Variants in SSC5D observed in about 807,000 individuals in gnomAD.
SSC5D encodes the protein soluble scavenger receptor cysteine-rich domain-containing protein SSC5D.
SSC5D carries 106 observed loss-of-function variants against 104.6 expected under a neutral mutation model. The ratio of observed to expected loss-of-function variants is 1.01; its 90% CI spans 0.87 to 1.19. SSC5D has a LOEUF of 1.19. Ranked by LOEUF, SSC5D falls within the 50% of genes most tolerant of loss-of-function variation. The pLI is 0.00. For missense variants in SSC5D, 1,993 were observed against 2,153.8 expected (o/e 0.93, Z 1.48); for synonymous variants, 860 against 883.5 (o/e 0.97, Z 0.47).
intron 12 of SSC5D, among the ~76,000 whole-genome samples, chr19:55,506,033 A>C (rs10410029): frequency 0.1 from 15,821 of 151,854 alleles, 1,057 homozygotes; most frequent in Non-Finnish European, 0.11. Flanking sequence ...CACGGCACCC[A>C]GCCAGTTCTC....
chr19:55,504,460 C>CCAAGTCACTTT, intron 12 of SSC5D: 3 of 534,132 alleles, frequency 5.6e-6, no homozygotes, highest in Non-Finnish European at 8.5e-6. Context: ...GAAAAAGTGA[C>CCAAGTCACTTT]TTGGTCTCTT....
intron 12 of SSC5D, among the ~76,000 whole-genome samples, chr19:55,506,026 G>A (rs938917385): frequency 6.6e-6 from 1 of 151,712 alleles, no homozygotes; most frequent in Non-Finnish European, 1.5e-5. Flanking sequence ...CGTGAGCCAC[G>A]GCACCCAGCC....
chr19:55,508,416 G>A (rs1466539567), intron 12 of SSC5D, among the ~76,000 whole-genome samples: 2 of 152,166 alleles, frequency 1.3e-5, no homozygotes, highest in African/African-American at 2.4e-5. Context: ...GCCAGGCGCT[G>A]TTCAAAGTGC....
chr19:55,509,157 C>G (rs1209069869), intron 12 of SSC5D, among the ~76,000 whole-genome samples: 3 of 152,188 alleles, frequency 2.0e-5, no homozygotes, highest in Non-Finnish European at 2.9e-5. Flanking sequence ...AAGTTTCTTG[C>G]CCTCTCTGGG....
intron 8 of SSC5D, among the ~76,000 whole-genome samples, chr19:55,496,916 T>A (rs569750807): frequency 3.1e-4 from 47 of 152,274 alleles, no homozygotes; most frequent in Non-Finnish European, 5.4e-4. Flanking sequence ...ACCTGGCCCA[T>A]GCCTGGCTAA....
rs1380014059 is a variant in SSC5D at position 55,517,791 on chromosome 19, C to T, written c.3515C>T (p.Thr1172Ile). The T allele has an allele frequency of 6.5e-7, 1 of 1,544,882 alleles. No homozygotes were observed. Among genetic ancestry groups the T allele is most frequent in the Admixed American group, 2.0e-5 (1 of 50,120 alleles). Residue 1172 changes from threonine (T) to isoleucine (I), a missense_variant, in exon 14 of 14, where the codon ACC becomes ATC. Transcript: ENST00000389623. ...DPITTLNPTV[T>I]PHFPTTPHPT... ...ATCACAACCCTTAACCCTACTGTGA[C>T]CCCTCACTTCCCTACCACCCCTCAC...
chr19:55,497,332 TAAGA>T (rs1434953698), intron 8 of SSC5D, among the ~76,000 whole-genome samples: 1 of 152,022 alleles, frequency 6.6e-6, no homozygotes, highest in African/African-American at 2.4e-5. Context: ...AAATAAAATC[TAAGA>T]AAGAAGAAAA....
intron 13 of SSC5D, among the ~76,000 whole-genome samples, chr19:55,516,312 A>G (rs926730500): frequency 3.9e-5 from 6 of 152,136 alleles, no homozygotes; most frequent in Admixed American, 6.5e-5. Context: ...CCTGGCCAAC[A>G]CGGTGAAACC....
intron 13 of SSC5D, among the ~76,000 whole-genome samples, chr19:55,514,069 C>T (rs1292211980): frequency 6.6e-6 from 1 of 152,156 alleles, no homozygotes; most frequent in African/African-American, 2.4e-5. Flanking sequence ...CCCCACTGGA[C>T]AGAGCTGTTT....
chr19:55,494,659 C>A lies in SSC5D; in HGVS notation c.1263C>A (p.Asn421Lys). ...CCACGGCCCCCACGGACAGCAACAACTCCACGCCCAGGGAGGCTGCCTCCA... is the reference window on the plus strand; with the variant it reads ...CCACGGCCCCCACGGACAGCAACAAATCCACGCCCAGGGAGGCTGCCTCCA... ...VPPTAPTDSNNSTPREAASRP... is the reference protein window; with the variant it reads ...VPPTAPTDSNKSTPREAASRP... The change falls in exon 8 of 14, where the codon AAC (asparagine) becomes AAA (lysine). Residue 421 changes from asparagine to lysine, a missense_variant. Transcript: ENST00000389623. 6.5e-7 allele frequency: 1 copy of A among 1,548,678 alleles called. No individual in the cohort carries two copies. Among genetic ancestry groups the A allele is most frequent in the Admixed American group, 2.0e-5 (1 of 50,734 alleles).
chr19:55,493,431 G>A (rs114287967), intron 6 of SSC5D, among the ~76,000 whole-genome samples, 164 bp from the exon 7 acceptor site: 384 of 152,320 alleles, frequency 2.5e-3, no homozygotes, highest in African/African-American at 9.1e-3. Flanking sequence ...GTTGGACTCC[G>A]GGCCAGTGAC....
Position 55,500,271 on chromosome 19 carries a change from C to A in SSC5D, c.2161C>A (p.Pro721Thr). The change falls in exon 10 of 14, where the codon CCC becomes ACC. Residue 721 changes from proline (P) to threonine (T), a missense_variant. Pro to Thr is a conservative substitution (Grantham distance 38). This residue lies in a region of SSC5D where 1,101 missense variants were observed against 1,085.0 expected (regional missense o/e 1.01). Coordinates refer to ENST00000389623, the MANE Select transcript of SSC5D (RefSeq NM_001144950.2). The surrounding 1 kb of genome is among the most constrained non-coding windows in gnomAD (Gnocchi z 4.6). ...KTMAMLTTQG[P>T]QEMTSESTIK... ...CATGGCAATGCTGACCACTCAAGGC[C>A]CCCAAGAAATGACCTCTGAGTCCAC... is the stretch of plus-strand genomic sequence containing the variant. 1 of 1,551,522 alleles carries A rather than the reference C, an allele frequency of 6.4e-7. No homozygotes were observed. Among genetic ancestry groups the A allele is most frequent in the Non-Finnish European group, 8.7e-7 (1 of 1,146,956 alleles).
At chr19:55,489,071 C>CA in intron 2 of SSC5D, 39 bp downstream of exon 2, 1 of 1,096,964 alleles carries the variant, frequency 9.1e-7, no homozygotes, top group African/African-American at 1.7e-5. Context: ...CGCCCCCCCC[C>CA]CCAGGCCTCC....
intron 12 of SSC5D, 107 bp from the exon 13 acceptor site, chr19:55,512,904 T>C: frequency 7.3e-7 from 1 of 1,375,856 alleles, no homozygotes. Flanking sequence ...GCGGTGCAGT[T>C]GAGACGGGAT....
In SSC5D at chr19:55,501,221, T is replaced by C. The variant is rs1284573431; in HGVS notation, c.2785+20T>C. The stretch of plus-strand genomic sequence containing the variant: ...ACACAGGTGAGAGGCCTGATTGGGG[T>C]GGCCATGGAGGGCCTCCATAAACCT... On this transcript the variant is annotated intron_variant, in intron 12 of 13. Coordinates refer to ENST00000389623, the MANE Select transcript of SSC5D (RefSeq NM_001144950.2). 1 of 1,489,970 alleles carries C rather than the reference T, an allele frequency of 6.7e-7. No homozygotes were observed. The highest frequency in any genetic ancestry group is 8.9e-7 in the Non-Finnish European group (1 of 1,122,482). 92.3% of individuals were successfully genotyped at this position (1,489,970 alleles called of 1,614,324 possible).
At chr19:55,512,818 C>T (rs984255387) in intron 12 of SSC5D, among the ~76,000 whole-genome samples, 193 bp from the exon 13 acceptor site, 2 of 152,058 alleles carry the variant, frequency 1.3e-5, no homozygotes, top group Admixed American at 6.6e-5. Context: ...GTTTAGTGAC[C>T]GTTTCCGTCG....
intron 12 of SSC5D, chr19:55,504,089 G>C (rs1987581777): frequency 6.5e-7 from 1 of 1,533,506 alleles, no homozygotes; most frequent in Non-Finnish European, 8.7e-7. Context: ...CTCCAGCTGT[G>C]AGTTAGAGCT....
chr19:55,491,160 G>A, intron 6 of SSC5D, 80 bp downstream of exon 6: 1 of 1,455,112 alleles, frequency 6.9e-7, no homozygotes, highest in South Asian at 1.4e-5. Flanking sequence ...AGCTGCAGCG[G>A]GCCTGCTCCC....
Position 55,501,034 on chromosome 19 carries a change from G to C in SSC5D, c.2618G>C (p.Gly873Ala), listed in dbSNP as rs1568480139. Residue 873 changes from glycine (G) to alanine (A), a missense_variant and splice_region_variant, in exon 12 of 14, where the codon GGC (glycine) becomes GCC (alanine). Gly to Ala is a moderately conservative substitution (Grantham distance 60, BLOSUM62 0). This residue lies in a region of SSC5D where 423 missense variants were observed against 409.2 expected (regional missense o/e 1.03). Transcript: ENST00000389623. ...HEEDVGLTCTGYTDYDDYPPW... is the reference protein window; with the variant it reads ...HEEDVGLTCTAYTDYDDYPPW... ...AACCATTACCCCAATTTCTCCAAAG[G>C]CTACACAGACTATGACGATTATCCC... 1 of 1,551,898 alleles carries C rather than the reference G, an allele frequency of 6.4e-7. No homozygotes were observed. Among genetic ancestry groups the C allele is most frequent in the African/African-American group, 1.4e-5 (1 of 73,132 alleles).
Sources: allele counts gnomAD v4.1 joint callset (sites outside exome capture counted in the v4.1 genomes callset), GRCh38; gene constraint gnomAD v4.1.1; regional missense constraint gnomAD v4.1.1; non-coding constraint Gnocchi (gnomAD v3.1); transcripts MANE v1.5; gene names NCBI Gene and HGNC (gene_info 2026-07-23, HGNC 2026-07-21).